TERF2: variants seen among roughly 807,000 people sequenced by gnomAD.
TERF2 encodes telomeric repeat binding factor 2, also known as telomeric repeat-binding factor 2.
A neutral mutation model predicts 56.1 loss-of-function variants in TERF2; 16 were observed. That is an observed-to-expected ratio of 0.29 (90% CI 0.19 to 0.43). The LOEUF (loss-of-function observed/expected upper bound fraction) is 0.43. Ranked by LOEUF, TERF2 falls within the 20% of genes least tolerant of loss-of-function variation. The probability of loss-of-function intolerance (pLI) is 1.00; values close to 1 mark genes in which losing one functional copy is unlikely to be tolerated. For missense variants in TERF2, 547 were observed against 712.9 expected (o/e 0.77, Z 2.65); for synonymous variants, 296 against 282.1 (o/e 1.05, Z -0.50).
At chr16:69,368,962 C>T (rs893442843) in intron 5 of TERF2, among the ~76,000 whole-genome samples, 1 of 152,162 alleles carries the variant, frequency 6.6e-6, no homozygotes, top group African/African-American at 2.4e-5. Context: ...AGGCATGAGC[C>T]ACCATGCCCG....
rs2012881003 is a variant in TERF2, at chr16:69,355,962, C to G, written c.*936G>C. 5.0e-6 allele frequency: 1 copy of G among 199,642 alleles called. No homozygotes were observed. 12.4% of individuals were successfully genotyped at this position (199,642 alleles called of 1,614,324 possible). ...AATCACCATTTTACCAAAAAACACA[C>G]TGGTTCAACCACATGAGAAGTGGAG... On this transcript the variant is annotated 3_prime_UTR_variant, in exon 10 of 10. Coordinates refer to ENST00000254942, the MANE Select transcript of TERF2 (RefSeq NM_005652.5).
chr16:69,370,276 C>T (rs960632810), intron 5 of TERF2: 9 of 582,212 alleles, frequency 1.5e-5, no homozygotes, highest in East Asian at 3.0e-5. Flanking sequence ...GGTGATCCAC[C>T]CCCCTGGGCC....
chr16:69,368,234 C>T (rs1054672696), intron 6 of TERF2, 142 bp downstream of exon 6: 3 of 718,836 alleles, frequency 4.2e-6, no homozygotes, highest in South Asian at 1.8e-5. Context: ...TGTGCAGTCT[C>T]CCCCAGTGCC....
At chr16:69,357,806 T>C (rs1158015721) in intron 8 of TERF2, among the ~76,000 whole-genome samples, 1 of 152,048 alleles carries the variant, frequency 6.6e-6, no homozygotes, top group Non-Finnish European at 1.5e-5. Flanking sequence ...TGCTGGCTAG[T>C]GATGCGTTTC....
At chr16:69,363,416 G>C (rs893450052) in intron 7 of TERF2, among the ~76,000 whole-genome samples, 1 of 152,156 alleles carries the variant, frequency 6.6e-6, no homozygotes, top group Non-Finnish European at 1.5e-5. Context: ...CTGACTTTCA[G>C]GTGATGTGTT....
intron 8 of TERF2, among the ~76,000 whole-genome samples, chr16:69,359,076 A>T (rs912244068): frequency 6.6e-6 from 1 of 152,244 alleles, no homozygotes; most frequent in Non-Finnish European, 1.5e-5. Flanking sequence ...TCACTAGGCG[A>T]TATGAATTTT....
At chr16:69,364,650 G>C (rs1022488924) in intron 7 of TERF2, among the ~76,000 whole-genome samples, 1 of 151,892 alleles carries the variant, frequency 6.6e-6, no homozygotes, top group Non-Finnish European at 1.5e-5. Context: ...TGTATGTAAG[G>C]AGCTCCCACT....
chr16:69,385,507 G>A (rs766324339), intron 1 of TERF2, 21 bp from the exon 2 acceptor site: 1 of 1,613,416 alleles, frequency 6.2e-7, no homozygotes, highest in Non-Finnish European at 8.5e-7. Context: ...AGACATCGTT[G>A]GCTGGGCGAC....
At position 69,368,385 on chromosome 16, in the gene TERF2, T is replaced by C. The variant is rs372243732; in HGVS notation, c.938A>G (p.Glu313Gly). The change falls in exon 6 of 10, where the codon GAA becomes GGA. Residue 313 changes from glutamate (E) to glycine (G), a missense_variant. By Grantham distance (98) the Glu-to-Gly change is moderately conservative. Transcript: ENST00000254942. ...APGPVEKPPR[E>G]PARQLRNPPT... is the part of the protein sequence containing the mutation. ...GAGAGCATCTTTTTACCTTGCGGGTTCTCTGGGTGGCTTTTCCACAGGCCC... is the reference window on the plus strand; with the variant it reads ...GAGAGCATCTTTTTACCTTGCGGGTCCTCTGGGTGGCTTTTCCACAGGCCC... The C allele has an allele frequency of 2.5e-5, 41 of 1,613,750 alleles. No homozygotes were observed. The highest frequency in any genetic ancestry group is 3.1e-5 in the Non-Finnish European group (37 of 1,180,030).
At chr16:69,384,007 C>T (rs1429045345) in intron 3 of TERF2, among the ~76,000 whole-genome samples, 1 of 152,198 alleles carries the variant, frequency 6.6e-6, no homozygotes, top group Non-Finnish European at 1.5e-5. Context: ...CAGTGACAAT[C>T]CCAAATTCCT....
At chr16:69,375,155 T>C (rs2013732771) in intron 3 of TERF2, among the ~76,000 whole-genome samples, 1 of 152,174 alleles carries the variant, frequency 6.6e-6, no homozygotes, top group Non-Finnish European at 1.5e-5. Context: ...TATACATTCA[T>C]CCACTGAAGG....
intron 8 of TERF2, among the ~76,000 whole-genome samples, chr16:69,358,599 G>C (rs186419731): frequency 2.0e-5 from 3 of 152,192 alleles, no homozygotes; most frequent in Non-Finnish European, 2.9e-5. Flanking sequence ...GAAATGCATC[G>C]TTTGGTGATT....
intron 4 of TERF2, among the ~76,000 whole-genome samples, chr16:69,370,994 TACACACACACACAC>T (rs113222809): frequency 2.0e-5 from 3 of 147,678 alleles, no homozygotes; most frequent in African/African-American, 7.5e-5. Flanking sequence ...TGGATGTCTG[TACACACACACACAC>T]ACACACACAC....
rs1375360299 is a variant in TERF2 at position 69,385,817 on chromosome 16, C to T, written c.155G>A (p.Gly52Asp). Residue 52 changes from glycine to aspartate, a missense_variant, in exon 1 of 10, where the codon GGC becomes GAC. Around this residue, in one of 6 missense-constraint regions of TERF2, gnomAD observed 120 missense variants for 172.4 expected, o/e 0.70. Transcript: ENST00000254942. ...CCGCCTGCCAGCTGCCCGCCCGCTG[C>T]CGTCGCTACTCCCGCCTCCTCCCGC... ...TMAGGGGSSD[G>D]SGRAAGRRAS... is the part of the protein sequence containing the mutation. 7.6e-7 allele frequency: 1 copy of T among 1,319,824 alleles called. No individual in the cohort carries two copies. Among genetic ancestry groups the T allele is most frequent in the South Asian group, 2.2e-5 (1 of 46,354 alleles). 81.8% of individuals were successfully genotyped at this position (1,319,824 alleles called of 1,614,324 possible).
intron 7 of TERF2, among the ~76,000 whole-genome samples, chr16:69,361,993 G>A (rs1295154683): frequency 6.7e-6 from 1 of 149,526 alleles, no homozygotes; most frequent in African/African-American, 2.5e-5. Flanking sequence ...AGCCAAAGAT[G>A]ATTTTAGGAC....
intron 3 of TERF2, among the ~76,000 whole-genome samples, chr16:69,374,621 T>C (rs2013700875): frequency 1.1e-5 from 1 of 91,252 alleles, no homozygotes; most frequent in African/African-American, 4.6e-5. Flanking sequence ...AGACCCTCTC[T>C]CTCTTTAAAA....
intron 7 of TERF2, among the ~76,000 whole-genome samples, chr16:69,364,372 G>A (rs1317189426): frequency 6.6e-6 from 1 of 152,148 alleles, no homozygotes; most frequent in East Asian, 1.9e-4. Context: ...TCTGGGGCAT[G>A]GTTTAAAAAG....
chr16:69,378,428 A>G (rs1390279608), intron 3 of TERF2, among the ~76,000 whole-genome samples: 1 of 152,254 alleles, frequency 6.6e-6, no homozygotes, highest in East Asian at 1.9e-4. Context: ...CCACCAGGAT[A>G]GTATTGCCTG....
At chr16:69,367,260 C>T in intron 6 of TERF2, 61 bp from the exon 7 acceptor site, 3 of 1,514,388 alleles carry the variant, frequency 2.0e-6, no homozygotes, top group Non-Finnish European at 2.6e-6. Flanking sequence ...ATCCAAACAG[C>T]CACAACTTTT....
Sources: allele counts gnomAD v4.1 joint callset (sites outside exome capture counted in the v4.1 genomes callset), GRCh38; gene constraint gnomAD v4.1.1; regional missense constraint gnomAD v4.1.1; transcripts MANE v1.5; gene names NCBI Gene and HGNC (gene_info 2026-07-23, HGNC 2026-07-21).